The following PTPRM variants were observed in gnomAD, a reference collection of about 807,000 sequenced individuals.
The protein encoded by PTPRM is protein tyrosine phosphatase receptor type M, also known as receptor-type tyrosine-protein phosphatase mu.
A neutral mutation model predicts 186.7 loss-of-function variants in PTPRM; 47 were observed. That is an observed-to-expected ratio of 0.25 (90% CI 0.20 to 0.32). PTPRM has a LOEUF of 0.32. PTPRM is among the 10% of genes least tolerant of loss of function. The pLI is 1.00. For synonymous variants in PTPRM, 668 were observed against 674.9 expected (o/e 0.99, Z 0.16); for missense variants, 1,494 against 1,865.0 (o/e 0.80, Z 3.66).
intron 14 of PTPRM, among the ~76,000 whole-genome samples, chr18:8,190,355 G>A (rs1374753119): frequency 1.3e-5 from 2 of 152,176 alleles, no homozygotes; most frequent in African/African-American, 4.8e-5. Context: ...CCACATATAT[G>A]TGAGGTCATG....
At chr18:7,748,652 C>A (rs993894851) in intron 1 of PTPRM, among the ~76,000 whole-genome samples, 3 of 152,162 alleles carry the variant, frequency 2.0e-5, no homozygotes, top group African/African-American at 7.2e-5. Flanking sequence ...AGTTTTCCTG[C>A]CCTCTTTGTC....
At chr18:8,346,377 T>C (rs1211644682) in intron 23 of PTPRM, among the ~76,000 whole-genome samples, 1 of 152,226 alleles carries the variant, frequency 6.6e-6, no homozygotes, top group East Asian at 1.9e-4. Flanking sequence ...CTGGCTTTCA[T>C]GTGGCCACCT....
chr18:8,219,029 C>T (rs543807048), intron 14 of PTPRM, among the ~76,000 whole-genome samples: 8 of 152,316 alleles, frequency 5.3e-5, no homozygotes, highest in South Asian at 4.2e-4. Context: ...ACTTGCAGGG[C>T]GTGGGAAGTC....
chr18:7,970,846 G>C (rs1655762731), intron 7 of PTPRM, among the ~76,000 whole-genome samples: 1 of 97,406 alleles, frequency 1.0e-5, no homozygotes, highest in African/African-American at 4.8e-5. Flanking sequence ...CATGCTCATG[G>C]GTAGGAAGAA....
intron 13 of PTPRM, among the ~76,000 whole-genome samples, chr18:8,125,787 G>A (rs1209393959): frequency 6.6e-6 from 1 of 151,542 alleles, no homozygotes; most frequent in East Asian, 2.0e-4. Context: ...TTTATCTCGC[G>A]ATTCACTGTT....
chr18:7,856,631 C>T (rs540272609), intron 2 of PTPRM, among the ~76,000 whole-genome samples: 1 of 151,894 alleles, frequency 6.6e-6, no homozygotes, highest in African/African-American at 2.4e-5. Flanking sequence ...ATGGTCCCAC[C>T]TACTCTGGAG....
intron 2 of PTPRM, among the ~76,000 whole-genome samples, chr18:7,839,741 G>A (rs1004140593): frequency 6.6e-6 from 1 of 152,108 alleles, no homozygotes; most frequent in African/African-American, 2.4e-5. Context: ...CTGGCTCTGG[G>A]CCCAGTTCAG....
chr18:8,188,031 T>C (rs894204493), intron 14 of PTPRM, among the ~76,000 whole-genome samples: 1 of 152,184 alleles, frequency 6.6e-6, no homozygotes, highest in Non-Finnish European at 1.5e-5. Context: ...AAAAACATAT[T>C]TCATTCCATA....
intron 14 of PTPRM, among the ~76,000 whole-genome samples, chr18:8,191,709 A>G (rs2093712278): frequency 6.6e-6 from 1 of 152,108 alleles, no homozygotes; most frequent in African/African-American, 2.4e-5. Flanking sequence ...GAGCAGGGGA[A>G]TGGGGAGGAG....
chr18:8,135,863 G>A (rs1213230846), intron 13 of PTPRM, among the ~76,000 whole-genome samples: 2 of 152,150 alleles, frequency 1.3e-5, no homozygotes, highest in African/African-American at 2.4e-5. Context: ...GATACTTCTA[G>A]CAAGCATACA....
rs149201096 is a variant in PTPRM, at chr18:7,903,420, C to T, written c.469-3085C>T. Among the ~76,000 whole-genome samples the T allele has an allele frequency of 1.5e-3, 232 of 152,326 alleles. 1 individual carries two copies. The highest frequency in any genetic ancestry group is 5.1e-3 in the African/African-American group (214 of 41,564). On this transcript the variant is annotated intron_variant, in intron 3 of 32. Transcript: ENST00000580170. ...GAGCAGCTTGCAGGTTCCTGCAGTG[C>T]CAACTGTAGCTGTTTCCTGGGAGGC...
chr18:7,915,396 C>A (rs1460473510), intron 4 of PTPRM, among the ~76,000 whole-genome samples: 1 of 152,194 alleles, frequency 6.6e-6, no homozygotes, highest in South Asian at 2.1e-4. Context: ...ATTGAAATTT[C>A]TGTTCTAAAG....
At chr18:8,201,248 G>A (rs7238402) in intron 14 of PTPRM, among the ~76,000 whole-genome samples, 54,921 of 152,136 alleles carry the variant, frequency 0.36, 10,817 homozygotes, top group East Asian at 0.81. Context: ...CCTGGGAGGC[G>A]GAGGTTGCAG....
At chr18:7,849,410 G>C (rs2046757732) in intron 2 of PTPRM, among the ~76,000 whole-genome samples, 1 of 152,210 alleles carries the variant, frequency 6.6e-6, no homozygotes, top group South Asian at 2.1e-4. Flanking sequence ...TCCTAGATGG[G>C]TCTCTTTTAG....
At chr18:7,779,895 G>A (rs974962364) in intron 2 of PTPRM, among the ~76,000 whole-genome samples, 9 of 152,134 alleles carry the variant, frequency 5.9e-5, no homozygotes, top group African/African-American at 2.2e-4. Flanking sequence ...CCTCTTCTCA[G>A]CCTACCTTAA....
intron 2 of PTPRM, among the ~76,000 whole-genome samples, chr18:7,835,850 G>T (rs1218542511): frequency 7.2e-5 from 10 of 138,436 alleles, no homozygotes; most frequent in African/African-American, 2.7e-4. Flanking sequence ...AGTTTTTTTT[G>T]TTTTGTTTTG....
intron 23 of PTPRM, among the ~76,000 whole-genome samples, chr18:8,354,225 A>AT (rs397744165): frequency 6.6e-6 from 1 of 150,754 alleles, no homozygotes; most frequent in African/African-American, 2.4e-5. Context: ...AAAAAAAAAA[A>AT]GTATAATGCA....
chr18:8,312,286 C>T (rs1414381428), intron 20 of PTPRM, among the ~76,000 whole-genome samples: 2 of 152,288 alleles, frequency 1.3e-5, no homozygotes, highest in South Asian at 2.1e-4. Flanking sequence ...ATGTCCAGTG[C>T]ACCAGCTCAC....
chr18:7,989,303 G>T (rs1304189746), intron 7 of PTPRM, among the ~76,000 whole-genome samples: 2 of 152,006 alleles, frequency 1.3e-5, no homozygotes, highest in Admixed American at 1.3e-4. Context: ...TCAGAGGCTT[G>T]CAGGTTCCAC....
Sources: allele counts gnomAD v4.1 joint callset (sites outside exome capture counted in the v4.1 genomes callset), GRCh38; gene constraint gnomAD v4.1.1; transcripts MANE v1.5; gene names NCBI Gene and HGNC (gene_info 2026-07-23, HGNC 2026-07-21).